The following TDRD7 variants were observed in gnomAD, a reference collection of about 807,000 sequenced individuals.
TDRD7 encodes tudor domain-containing protein 7.
A neutral mutation model predicts 109.8 loss-of-function variants in TDRD7; 47 were observed. That is an observed-to-expected ratio of 0.43 (90% CI 0.34 to 0.55). The LOEUF is 0.55. Ranked by LOEUF, TDRD7 falls within the 20% of genes least tolerant of loss-of-function variation. The pLI, the probability that TDRD7 is intolerant of heterozygous loss-of-function variation, is 0.03. For synonymous variants in TDRD7, 424 were observed against 457.3 expected (o/e 0.93, Z 0.93); for missense variants, 1,164 against 1,319.2 (o/e 0.88, Z 1.82).
intron 16 of TDRD7, among the ~76,000 whole-genome samples, chr9:97,493,460 G>A (rs910518879): frequency 3.3e-5 from 5 of 152,124 alleles, no homozygotes; most frequent in Non-Finnish European, 7.3e-5. Context: ...GAGATCACAT[G>A]CTTCACAAGG....
intron 6 of TDRD7, among the ~76,000 whole-genome samples, chr9:97,457,775 C>G (rs769621790): frequency 6.6e-6 from 1 of 152,130 alleles, no homozygotes; most frequent in East Asian, 1.9e-4. Flanking sequence ...AAATGTGGTG[C>G]GTACACACTA....
At position 97,462,335 on chromosome 9, in the gene TDRD7, T is replaced by C. The variant is rs370479204; in HGVS notation, c.1442+1571T>C. ...GTCGTCAGATTATTTAAATACCTTA[T>C]CCCAGTAGGAATTTAAATCCTGGAG... On this transcript the variant is annotated intron_variant, in intron 7 of 16. Coordinates refer to ENST00000355295, the MANE Select transcript of TDRD7 (RefSeq NM_014290.3). 5.9e-5 allele frequency among the ~76,000 whole-genome samples: 9 copies of C among 152,318 alleles called. No homozygotes were observed. In the South Asian group the frequency reaches 1.4e-3, roughly 25 times the overall value.
intron 4 of TDRD7, among the ~76,000 whole-genome samples, chr9:97,438,393 A>G (rs1193519024): frequency 2.0e-5 from 3 of 152,176 alleles, no homozygotes; most frequent in Non-Finnish European, 4.4e-5. Flanking sequence ...CCATGTCACT[A>G]TCACTCACTA....
At chr9:97,470,149 A>G (rs1225805763) in intron 8 of TDRD7, among the ~76,000 whole-genome samples, 1 of 152,218 alleles carries the variant, frequency 6.6e-6, no homozygotes, top group African/African-American at 2.4e-5. Flanking sequence ...ACTGCTGTCC[A>G]GGGAACGGGT....
At position 97,412,748 on chromosome 9, in the gene TDRD7, G is replaced by T. The variant is rs571346235; in HGVS notation, c.-7+510G>T. Among the ~76,000 whole-genome samples the T allele has an allele frequency of 1.3e-5, 2 of 152,322 alleles. No individual in the cohort carries two copies. The highest frequency in any genetic ancestry group is 4.1e-4 in the South Asian group (2 of 4,826). On this transcript the variant is annotated intron_variant, in intron 1 of 16. Transcript: ENST00000355295. This position sits in a 1 kb window ranked among gnomAD's most constrained non-coding sequence, Gnocchi z 4.3. ...TCTGGAGACGAGCCCCAGGCAGGCC[G>T]CTTAAGTAATGCAGGACACACATCC...
Position 97,439,237 on chromosome 9 carries a change from T to C in TDRD7, c.564-8T>C, listed in dbSNP as rs768558447. 1.3e-6 allele frequency: 2 copies of C among 1,569,050 alleles called. No homozygotes were observed. Among genetic ancestry groups the C allele is most frequent in the East Asian group, 4.5e-5 (2 of 44,396 alleles). Reference sequence around the variant, plus strand: ...TTTATTTTACTTTTTTTTTTTTTAATATCTTAGGTTTAGCCCAAAGGCGTC... The same window carrying C: ...TTTATTTTACTTTTTTTTTTTTTAACATCTTAGGTTTAGCCCAAAGGCGTC... On this transcript the variant is annotated splice_region_variant and splice_polypyrimidine_tract_variant and intron_variant, in intron 4 of 16. Transcript: ENST00000355295.
intron 7 of TDRD7, among the ~76,000 whole-genome samples, 172 bp downstream of exon 7, chr9:97,460,936 T>G (rs1828709252): frequency 6.6e-6 from 1 of 152,060 alleles, no homozygotes; most frequent in Non-Finnish European, 1.5e-5. Context: ...GGTCAGGAGA[T>G]CGAGACCATC....
chr9:97,483,475 CA>C (rs1829158841), intron 15 of TDRD7, 124 bp downstream of exon 15: 1 of 1,184,152 alleles, frequency 8.4e-7, no homozygotes, highest in Non-Finnish European at 1.2e-6. Context: ...GTGAAACAAA[CA>C]CAGTAATTTT....
intron 8 of TDRD7, among the ~76,000 whole-genome samples, chr9:97,469,860 G>A (rs1032223442): frequency 3.3e-5 from 5 of 152,148 alleles, no homozygotes; most frequent in Non-Finnish European, 5.9e-5. Context: ...AGGAAAAGTT[G>A]TTCAGGTTTC....
intron 4 of TDRD7, among the ~76,000 whole-genome samples, chr9:97,438,105 G>A (rs1828235850): frequency 6.6e-6 from 1 of 152,100 alleles, no homozygotes; most frequent in African/African-American, 2.4e-5. Context: ...CAGTTTACAT[G>A]TTTTGGGCTG....
At position 97,495,814 on chromosome 9, in the gene TDRD7, G is replaced by A; in HGVS notation, c.3228G>A (p.Leu1076=). The A allele has an allele frequency of 6.2e-7, 1 of 1,614,164 alleles. No individual in the cohort carries two copies. The highest frequency in any genetic ancestry group is 8.5e-7 in the Non-Finnish European group (1 of 1,180,038). ...KVVVYLVDTS[L]PDTDTWIHDF... is the part of the protein sequence containing the mutation. ...TGGTCTACTTAGTGGACACATCGTT[G>A]CCAGACACCGATACCTGGATTCATG... Residue 1076 remains leucine, a synonymous_variant, in exon 17 of 17, where the codon TTG becomes TTA. Coordinates refer to ENST00000355295, the MANE Select transcript of TDRD7 (RefSeq NM_014290.3).
chr9:97,433,326 A>G (rs1418205149), intron 4 of TDRD7, among the ~76,000 whole-genome samples: 1 of 151,330 alleles, frequency 6.6e-6, no homozygotes, highest in Non-Finnish European at 1.5e-5. Context: ...TATTATTTAT[A>G]ATTATTATAA....
chr9:97,490,549 TGG>T (rs35717478), intron 16 of TDRD7, among the ~76,000 whole-genome samples: 11 of 109,860 alleles, frequency 1.0e-4, no homozygotes, highest in East Asian at 2.9e-4. Context: ...TATATTTTGG[TGG>T]GGGGGGGGGC....
At chr9:97,439,420 A>T (rs1564198709) in intron 5 of TDRD7, 102 bp downstream of exon 5, 1 of 955,168 alleles carries the variant, frequency 1.0e-6, no homozygotes, top group Non-Finnish European at 1.7e-6. Flanking sequence ...TCCTGTTTGG[A>T]ATATATCCTT....
chr9:97,416,093 G>C (rs1349926316), intron 1 of TDRD7, among the ~76,000 whole-genome samples: 1 of 152,160 alleles, frequency 6.6e-6, no homozygotes, highest in East Asian at 1.9e-4. Context: ...AGCCTTCCAG[G>C]TTTTACTGCA....
chr9:97,456,206 T>A (rs1382356633), intron 6 of TDRD7, among the ~76,000 whole-genome samples: 1 of 152,220 alleles, frequency 6.6e-6, no homozygotes, highest in Non-Finnish European at 1.5e-5. Context: ...TATTCCATCC[T>A]CATGGATAGG....
At chr9:97,426,579 T>TA (rs549546567) in intron 1 of TDRD7, among the ~76,000 whole-genome samples, 62 of 152,316 alleles carry the variant, frequency 4.1e-4, no homozygotes, top group African/African-American at 1.4e-3. Flanking sequence ...CTTTTTAAAT[T>TA]AAAAACTAAG....
intron 15 of TDRD7, among the ~76,000 whole-genome samples, chr9:97,484,492 A>ACACACC (rs1352170431): frequency 9.3e-5 from 14 of 150,176 alleles, no homozygotes; most frequent in African/African-American, 3.4e-4. Context: ...ACACACACAC[A>ACACACC]CCCCAAAACT....
In TDRD7 at chr9:97,460,532, G is replaced by T; in HGVS notation, c.1210G>T (p.Ala404Ser). ...AAATCCCCAGAAGGCCATTCTCTAT[G>T]CTAAACTTCCATTGCCCACTGACAA... is the stretch of plus-strand genomic sequence containing the variant. ...SGNPQKAILY[A>S]KLPLPTDKIQ... The change falls in exon 7 of 17, where the codon GCT (alanine) becomes TCT (serine). Residue 404 changes from alanine to serine, a missense_variant. Around this residue, in one of 5 missense-constraint regions of TDRD7, gnomAD observed 407 missense variants for 394.0 expected, o/e 1.03. Transcript: ENST00000355295. 2 of 1,614,202 alleles carry T rather than the reference G, an allele frequency of 1.2e-6. No individual in the cohort carries two copies. The highest frequency in any genetic ancestry group is 8.5e-7 in the Non-Finnish European group (1 of 1,180,032).
Sources: gnomAD v4.1 joint callset for allele counts (sites outside exome capture counted in the v4.1 genomes callset) on GRCh38, gnomAD v4.1.1 for gene constraint, gnomAD v4.1.1 regional missense constraint, Gnocchi (gnomAD v3.1) non-coding constraint, MANE v1.5 for transcripts, NCBI Gene and HGNC (gene_info 2026-07-23, HGNC 2026-07-21) for gene names.